NBEA: variants seen among roughly 807,000 people sequenced by gnomAD.
NBEA encodes lysosomal-trafficking regulator 2.
NBEA carries 44 observed loss-of-function variants against 343.4 expected under a neutral mutation model. That is an observed-to-expected ratio of 0.13 (90% confidence interval 0.10 to 0.16). The LOEUF is 0.16. Among genes scored for constraint, NBEA ranks in the 10% least tolerant of loss-of-function variants. NBEA has a pLI of 1.00. For synonymous variants in NBEA, 1,175 were observed against 1,238.7 expected (o/e 0.95, Z 1.08); for missense variants, 2,555 against 3,631.3 (o/e 0.70, Z 7.62).
At chr13:35,086,641 A>G (rs1298407094) in intron 10 of NBEA, among the ~76,000 whole-genome samples, 1 of 151,918 alleles carries the variant, frequency 6.6e-6, no homozygotes, top group Non-Finnish European at 1.5e-5. Context: ...TATCACTTTG[A>G]TATACAGATT....
At chr13:35,261,714 G>A (rs1406079302) in intron 34 of NBEA, among the ~76,000 whole-genome samples, 1 of 151,814 alleles carries the variant, frequency 6.6e-6, no homozygotes, top group Non-Finnish European at 1.5e-5. Flanking sequence ...CTGAAGCAGA[G>A]AAAAGACGAA....
chr13:35,437,536 T>G (rs1452045670), intron 39 of NBEA, among the ~76,000 whole-genome samples: 1 of 152,132 alleles, frequency 6.6e-6, no homozygotes. Flanking sequence ...TGATATACTT[T>G]CAGCCTCTGG....
chr13:35,454,617 T>A (rs2046464744), intron 40 of NBEA, among the ~76,000 whole-genome samples: 1 of 152,026 alleles, frequency 6.6e-6, no homozygotes, highest in South Asian at 2.1e-4. Context: ...TCCCATCACT[T>A]TGGGAGGCCG....
chr13:35,066,954 G>T (rs1421763539), intron 8 of NBEA, among the ~76,000 whole-genome samples: 1 of 151,690 alleles, frequency 6.6e-6, no homozygotes, highest in Non-Finnish European at 1.5e-5. Context: ...TTTAGTGATT[G>T]CAGTAGAGCT....
intron 34 of NBEA, among the ~76,000 whole-genome samples, chr13:35,254,490 T>A (rs922795638): frequency 1.9e-4 from 29 of 151,896 alleles, no homozygotes; most frequent in Admixed American, 2.0e-4. Flanking sequence ...GCTAATTTTT[T>A]AAAAAATTTT....
At chr13:35,577,601 G>A (rs3829376) in intron 45 of NBEA, among the ~76,000 whole-genome samples, 16,107 of 151,714 alleles carry the variant, frequency 0.11, 1,053 homozygotes, top group African/African-American at 0.18. Context: ...TATGTCTTTC[G>A]ATTTTTGCAT....
At chr13:35,336,178 T>A (rs2152852921) in intron 36 of NBEA, among the ~76,000 whole-genome samples, 1 of 152,088 alleles carries the variant, frequency 6.6e-6, no homozygotes, top group Non-Finnish European at 1.5e-5. Context: ...AAATCACTCA[T>A]CAGATAATGA....
chr13:35,560,518 G>A (rs1219839882), intron 44 of NBEA, among the ~76,000 whole-genome samples: 2 of 152,164 alleles, frequency 1.3e-5, no homozygotes, highest in Non-Finnish European at 2.9e-5. Context: ...AAGACTCTGA[G>A]ACAGAGATTT....
chr13:35,195,920 G>A lies in NBEA; in HGVS notation c.4984G>A (p.Glu1662Lys), dbSNP rs1219443489. The A allele has an allele frequency of 3.7e-6, 6 of 1,612,990 alleles. No individual in the cohort carries two copies. The South Asian group carries it at 5.5e-5, about 15-fold the overall frequency. ...AGAAAAAGAAACACCAACTCCTGGTGAAGATATTCAGGTAGAAAGTTCAAT... is the reference window on the plus strand; with the variant it reads ...AGAAAAAGAAACACCAACTCCTGGTAAAGATATTCAGGTAGAAAGTTCAAT... ...IKEKETPTPGEDIQVESSIPH... is the reference protein window; with the variant it reads ...IKEKETPTPGKDIQVESSIPH... The change falls in exon 31 of 59, where the codon GAA (glutamate) becomes AAA (lysine). Residue 1662 changes from glutamate (E) to lysine (K), a missense_variant. Physicochemically the swap from Glu to Lys is moderately conservative, Grantham distance 56. This residue lies in a region of NBEA where 270 missense variants were observed against 293.3 expected (regional missense o/e 0.92). Coordinates refer to ENST00000379939, the MANE Select transcript of NBEA (RefSeq NM_001385012.1).
intron 38 of NBEA, among the ~76,000 whole-genome samples, chr13:35,413,735 A>G (rs140187671): frequency 4.0e-4 from 61 of 152,132 alleles, no homozygotes; most frequent in Non-Finnish European, 1.2e-4. Context: ...TTGATTGTTC[A>G]TATGTTCTTT....
chr13:35,550,100 C>T (rs1243003614), intron 41 of NBEA, among the ~76,000 whole-genome samples: 1 of 152,082 alleles, frequency 6.6e-6, no homozygotes, highest in Non-Finnish European at 1.5e-5. Flanking sequence ...ACCATATGGA[C>T]ACTTTGGGGG....
At chr13:35,217,709 TAGAA>T (rs2074140960) in intron 33 of NBEA, among the ~76,000 whole-genome samples, 1 of 152,084 alleles carries the variant, frequency 6.6e-6, no homozygotes, top group African/African-American at 2.4e-5. Flanking sequence ...TTGCCACACT[TAGAA>T]AGGGTAGACT....
chr13:35,352,419 A>C, intron 38 of NBEA, 96 bp downstream of exon 38: 1 of 637,964 alleles, frequency 1.6e-6, no homozygotes, highest in Non-Finnish European at 2.3e-6. Context: ...TCATTTAGAA[A>C]ATATAATTTA....
intron 41 of NBEA, chr13:35,475,495 C>G: frequency 6.2e-7 from 1 of 1,612,390 alleles, no homozygotes; most frequent in Non-Finnish European, 8.5e-7. Context: ...CAAGGAGTGG[C>G]ACTCCTTGGA....
At chr13:35,580,308 G>C (rs2080960766) in intron 45 of NBEA, among the ~76,000 whole-genome samples, 1 of 152,028 alleles carries the variant, frequency 6.6e-6, no homozygotes, top group Non-Finnish European at 1.5e-5. Context: ...AATGCCCACT[G>C]TTTGACAGAA....
intron 1 of NBEA, among the ~76,000 whole-genome samples, chr13:34,998,261 A>G (rs1258865453): frequency 2.6e-5 from 4 of 152,190 alleles, no homozygotes; most frequent in African/African-American, 9.7e-5. Flanking sequence ...TCACAAGGTA[A>G]TAAGATATCA....
chr13:35,563,129 G>GATAGATAGA (rs2079944365), intron 44 of NBEA, among the ~76,000 whole-genome samples: 1 of 79,554 alleles, frequency 1.3e-5, no homozygotes, highest in African/African-American at 3.7e-5. Flanking sequence ...GTGTGTGTGT[G>GATAGATAGA]TGGAGATAGA....
intron 41 of NBEA, among the ~76,000 whole-genome samples, chr13:35,495,189 C>T (rs2076635108): frequency 6.6e-6 from 1 of 151,830 alleles, no homozygotes; most frequent in Non-Finnish European, 1.5e-5. Context: ...GATATGCACA[C>T]AAACAGCAAC....
intron 46 of NBEA, among the ~76,000 whole-genome samples, chr13:35,588,440 T>C (rs1351066767): frequency 1.3e-5 from 2 of 150,638 alleles, no homozygotes; most frequent in Non-Finnish European, 3.0e-5. Flanking sequence ...TGTCTGTCCT[T>C]TACCTTAGAC....
Sources: gnomAD v4.1 joint callset for allele counts (sites outside exome capture counted in the v4.1 genomes callset) on GRCh38, gnomAD v4.1.1 for gene constraint, gnomAD v4.1.1 regional missense constraint, MANE v1.5 for transcripts, NCBI Gene and HGNC (gene_info 2026-07-23, HGNC 2026-07-21) for gene names.